C14orf39: variants seen among roughly 807,000 people sequenced by gnomAD.
C14orf39 encodes the protein protein SIX6OS1.
In C14orf39, 66 loss-of-function variants were observed where a neutral mutation model predicts 85.6. That is an observed-to-expected ratio of 0.77 (90% CI 0.63 to 0.95). The LOEUF is 0.95. Ranked by LOEUF, C14orf39 falls within the 40% of genes least tolerant of loss-of-function variation. The pLI is 0.00. For synonymous variants in C14orf39, 242 were observed against 214.0 expected, an observed-to-expected ratio of 1.13 and a Z score of -1.14; for missense variants, 735 against 663.9, an observed-to-expected ratio of 1.11 and a Z score of -1.18.
intron 16 of C14orf39, among the ~76,000 whole-genome samples, chr14:60,446,721 C>T (rs1050161362): frequency 1.3e-5 from 2 of 152,154 alleles, no homozygotes; most frequent in Admixed American, 1.3e-4. Context: ...CATCTTGATA[C>T]CAAAGCCTGG....
At chr14:60,477,159 C>T (rs1313156948) in intron 5 of C14orf39, among the ~76,000 whole-genome samples, 1 of 152,060 alleles carries the variant, frequency 6.6e-6, no homozygotes, top group Non-Finnish European at 1.5e-5. Flanking sequence ...GACAAGTCTC[C>T]TTCACTGATC....
chr14:60,449,020 A>G (rs1890914176), intron 16 of C14orf39, among the ~76,000 whole-genome samples: 1 of 152,008 alleles, frequency 6.6e-6, no homozygotes, highest in African/African-American at 2.4e-5. Flanking sequence ...GGAACATTAC[A>G]TACTGGGGCC....
intron 14 of C14orf39, 90 bp from the exon 15 acceptor site, chr14:60,457,185 T>G (rs1344878714): frequency 2.5e-5 from 19 of 754,256 alleles, no homozygotes; most frequent in Non-Finnish European, 3.8e-5. Context: ...AATACCTTAT[T>G]AATCCATGAT....
At position 60,478,409 on chromosome 14, in the gene C14orf39, T is replaced by G; in HGVS notation, c.234-20A>C. On this transcript the variant is annotated intron_variant, in intron 4 of 17. Transcript: ENST00000321731. ...TTCCAGCTATAGAAAAAAATATATTTGTAATTAGCAACTCAGAATGATAAA... is the reference window on the plus strand; with the variant it reads ...TTCCAGCTATAGAAAAAAATATATTGGTAATTAGCAACTCAGAATGATAAA... The G allele has an allele frequency of 7.5e-7, 1 of 1,340,520 alleles. No individual in the cohort carries two copies. The highest frequency in any genetic ancestry group is 1.0e-6 in the Non-Finnish European group (1 of 964,560). The allele number at this position is 1,340,520 out of a possible 1,614,324, so 83.0% of individuals were successfully genotyped here. A position where few individuals can be genotyped will look rare whatever the true frequency, so the allele number is the denominator to read the frequency against.
chr14:60,462,927 CTA>C (rs566754852), intron 11 of C14orf39, among the ~76,000 whole-genome samples: 1 of 152,086 alleles, frequency 6.6e-6, no homozygotes, highest in Non-Finnish European at 1.5e-5. Context: ...ATACATGTCT[CTA>C]TATGTCTCCT....
intron 5 of C14orf39, among the ~76,000 whole-genome samples, chr14:60,476,016 C>G (rs998801264): frequency 1.3e-5 from 2 of 152,108 alleles, no homozygotes; most frequent in Non-Finnish European, 2.9e-5. Context: ...GTAAGGATAA[C>G]AGCCCTGTGC....
chr14:60,510,079 G>T, intron 1 of C14orf39: 1 of 1,005,516 alleles, frequency 9.9e-7, no homozygotes, highest in Non-Finnish European at 1.5e-6. Context: ...GCAGGAGTTG[G>T]GAGCGCGGTC....
At chr14:60,464,948 T>C (rs1041323464) in intron 11 of C14orf39, among the ~76,000 whole-genome samples, 10 of 152,256 alleles carry the variant, frequency 6.6e-5, no homozygotes, top group Non-Finnish European at 1.2e-4. Context: ...TAATTAATTT[T>C]GCCTTATCTT....
intron 16 of C14orf39, 105 bp downstream of exon 16, chr14:60,454,896 T>G (rs988652686): frequency 1.1e-6 from 1 of 872,672 alleles, no homozygotes; most frequent in Non-Finnish European, 1.7e-6. Context: ...TTTAAATGCT[T>G]CTGTTGATAA....
intron 2 of C14orf39, chr14:60,495,533 TG>T: frequency 9.4e-6 from 2 of 213,258 alleles, no homozygotes; most frequent in South Asian, 1.0e-4. Flanking sequence ...AATTCATCTA[TG>T]GGGACAGGTA....
At chr14:60,463,959 T>G (rs922208465) in intron 11 of C14orf39, among the ~76,000 whole-genome samples, 15 of 152,130 alleles carry the variant, frequency 9.9e-5, no homozygotes, top group African/African-American at 3.6e-4. Flanking sequence ...AAAATCTAAT[T>G]TCTCCTTGTG....
chr14:60,457,064 A>G lies in C14orf39; in HGVS notation c.1211T>C (p.Val404Ala), dbSNP rs1413542870. 2.3e-5 allele frequency: 37 copies of G among 1,603,262 alleles called. No homozygotes were observed. The highest frequency in any genetic ancestry group is 3.1e-5 in the Non-Finnish European group (37 of 1,175,734). The change falls in exon 15 of 18, where the codon GTA becomes GCA. Residue 404 changes from valine to alanine, a missense_variant. Physicochemically the swap from Val to Ala is moderately conservative, Grantham distance 64 (BLOSUM62 0). Coordinates refer to ENST00000321731, the MANE Select transcript of C14orf39 (RefSeq NM_174978.3). The part of the protein sequence containing the change: ...AIYTEHFGKS[V>A]ENDSDEVEER... ...TTCTACTTCATCACTATCATTTTCT[A>G]CTGACTTCCCAAAATGTTCAGTATA...
upstream of C14orf39, among the ~76,000 whole-genome samples, chr14:60,489,917 A>G (rs1351979062): frequency 6.6e-6 from 1 of 152,194 alleles, no homozygotes; most frequent in Non-Finnish European, 1.5e-5. Context: ...CAATGCCATT[A>G]TGCCATAAAA....
At chr14:60,445,416 T>C (rs1285800785) in intron 16 of C14orf39, among the ~76,000 whole-genome samples, 1 of 152,156 alleles carries the variant, frequency 6.6e-6, no homozygotes, top group Non-Finnish European at 1.5e-5. Flanking sequence ...GTTGCAATCC[T>C]AGTCTCTGAT....
chr14:60,437,069 A>G (rs776351062), intron 17 of C14orf39, 22 bp from the exon 18 acceptor site: 24 of 1,494,810 alleles, frequency 1.6e-5, no homozygotes, highest in Non-Finnish European at 2.2e-5. Context: ...AAACATTACA[A>G]TATCATGCTC....
At chr14:60,459,879 C>T (rs542200704) in intron 13 of C14orf39, among the ~76,000 whole-genome samples, 2 of 151,718 alleles carry the variant, frequency 1.3e-5, no homozygotes, top group South Asian at 2.1e-4. Flanking sequence ...GAAAGTTTTA[C>T]GTACTTCAAA....
Position 60,436,489 on chromosome 14 carries a change from T to C in C14orf39, c.*356A>G, listed in dbSNP as rs1201660886. 3 of 173,334 alleles carry C rather than the reference T, an allele frequency of 1.7e-5. No homozygotes were observed. The Admixed American group carries it at 1.8e-4, about 10-fold the overall frequency. 10.7% of individuals were successfully genotyped at this position (173,334 alleles called of 1,614,324 possible). ...TCTGGAGTTACTACTGCAGTTCTTG[T>C]TCTTATCAAAGTACCAACAATACTT... is the stretch of plus-strand genomic sequence containing the variant. On this transcript the variant is annotated 3_prime_UTR_variant, in exon 18 of 18. Transcript: ENST00000321731.
chr14:60,509,217 C>T, intron 1 of C14orf39: 1 of 616,044 alleles, frequency 1.6e-6, no homozygotes, highest in Admixed American at 2.7e-5. Context: ...GCGGAGCCAG[C>T]ACCTCCTCCA....
intron 2 of C14orf39, chr14:60,496,538 G>T: frequency 4.9e-6 from 1 of 202,168 alleles, no homozygotes. Context: ...GCTCAGTACA[G>T]CTCCAAAGAA....
Sources: allele counts gnomAD v4.1 joint callset (sites outside exome capture counted in the v4.1 genomes callset), GRCh38; gene constraint gnomAD v4.1.1; transcripts MANE v1.5; gene names NCBI Gene and HGNC (gene_info 2026-07-23, HGNC 2026-07-21).